LARP4B: variants seen among roughly 807,000 people sequenced by gnomAD.
LARP4B encodes the protein la-related protein 4B.
In LARP4B, 12 loss-of-function variants were observed where a neutral mutation model predicts 89.8. That is an observed-to-expected ratio of 0.13 (90% CI 0.09 to 0.22). The LOEUF is 0.22. Ranked by LOEUF, LARP4B falls within the 10% of genes least tolerant of loss-of-function variation. The pLI is 1.00. For synonymous variants in LARP4B, 367 were observed against 363.3 expected (o/e 1.01, Z -0.12); for missense variants, 757 against 947.7 (o/e 0.80, Z 2.64).
chr10:831,904 A>G (rs1832923943), intron 8 of LARP4B, among the ~76,000 whole-genome samples: 1 of 152,258 alleles, frequency 6.6e-6, no homozygotes, highest in South Asian at 2.1e-4. Context: ...CTATAATGCA[A>G]AAGATTAGAC....
At chr10:871,390 C>A (rs73584576) in intron 3 of LARP4B, among the ~76,000 whole-genome samples, 32,172 of 151,776 alleles carry the variant, frequency 0.21, 3,941 homozygotes, top group South Asian at 0.4. Flanking sequence ...TCCTCTGCAC[C>A]GTCCCCTGCG....
At chr10:976,919 C>G in the LARP4B span, among the ~76,000 whole-genome samples, 1 of 144,662 alleles carries the variant, frequency 6.9e-6, no homozygotes. Flanking sequence ...AGGCCTGTCA[C>G]GTAATGTGCA....
At position 814,419 on chromosome 10, in the gene LARP4B, ACACAC is replaced by A. The variant is rs1320118731; in HGVS notation, c.1929+318_1929+322del. On this transcript the variant is annotated intron_variant, in intron 17 of 17. Coordinates refer to ENST00000316157, the MANE Select transcript of LARP4B (RefSeq NM_015155.3). The surrounding 1 kb of genome is among the most constrained non-coding windows in gnomAD (Gnocchi z 4.4). ...TGCGCGCGCACGCACGCAAACATAC[ACACAC>A]GCGCGAAATGCTGAAATGATCCTAA... The A allele has an allele frequency of 9.9e-6, 4 of 402,554 alleles. No individual in the cohort carries two copies. The highest frequency in any genetic ancestry group is 8.3e-5 in the African/African-American group (4 of 47,962). 24.9% of individuals were successfully genotyped at this position (402,554 alleles called of 1,614,324 possible).
the LARP4B span, among the ~76,000 whole-genome samples, chr10:940,359 G>A: frequency 6.6e-6 from 1 of 152,254 alleles, no homozygotes; most frequent in South Asian, 2.1e-4. Context: ...TCACCATGTT[G>A]GCCAGGCTGG....
intron 3 of LARP4B, among the ~76,000 whole-genome samples, chr10:875,834 A>G (rs983098137): frequency 4.6e-5 from 7 of 152,188 alleles, no homozygotes; most frequent in Non-Finnish European, 1.0e-4. Flanking sequence ...TGGGGGACAC[A>G]TGAAAAACAC....
intron 1 of LARP4B, among the ~76,000 whole-genome samples, chr10:900,842 C>T (rs1201439218): frequency 6.6e-6 from 1 of 151,428 alleles, no homozygotes; most frequent in Admixed American, 6.6e-5. Flanking sequence ...TGGTCTCGAA[C>T]TCCTGACCTC....
At chr10:938,544 C>T in the LARP4B span, among the ~76,000 whole-genome samples, 7 of 152,298 alleles carry the variant, frequency 4.6e-5, no homozygotes, top group South Asian at 2.1e-4. Flanking sequence ...TGAGCCACCG[C>T]GCCCGGCCGA....
Position 814,498 on chromosome 10 carries a change from T to G in LARP4B, c.1929+244A>C. 4.2e-6 allele frequency: 3 copies of G among 717,142 alleles called. No individual in the cohort carries two copies. Among genetic ancestry groups the G allele is most frequent in the Non-Finnish European group, 6.7e-6 (3 of 444,482 alleles). 44.4% of individuals were successfully genotyped at this position (717,142 alleles called of 1,614,324 possible). On this transcript the variant is annotated intron_variant, in intron 17 of 17. Coordinates refer to ENST00000316157, the MANE Select transcript of LARP4B (RefSeq NM_015155.3). The surrounding 1 kb of genome is among the most constrained non-coding windows in gnomAD (Gnocchi z 4.4). ...GGGTCTTGTTACTACTCAAGAAACC[T>G]CTATTGACCAACACTGAAATAAAAG... is the stretch of plus-strand genomic sequence containing the variant.
At chr10:976,029 C>T in the LARP4B span, among the ~76,000 whole-genome samples, 2 of 110,348 alleles carry the variant, frequency 1.8e-5, no homozygotes, top group African/African-American at 3.2e-5. Flanking sequence ...GTAGGCCTGT[C>T]GTGCAACGTG....
intron 3 of LARP4B, among the ~76,000 whole-genome samples, chr10:873,680 G>A (rs1186767236): frequency 6.6e-6 from 1 of 151,986 alleles, no homozygotes; most frequent in Non-Finnish European, 1.5e-5. Flanking sequence ...AATTTAAAAA[G>A]AGACGAAAAA....
the LARP4B span, among the ~76,000 whole-genome samples, chr10:958,397 C>T: frequency 6.6e-6 from 1 of 152,226 alleles, no homozygotes; most frequent in Admixed American, 6.5e-5. Flanking sequence ...CGCACCACTA[C>T]CTCTCCTGAT....
downstream of LARP4B, chr10:808,869 T>C (rs983586941): frequency 7.2e-5 from 11 of 152,088 alleles, no homozygotes; most frequent in African/African-American, 2.2e-4. Context: ...TGATAGATTT[T>C]ACTACACAAT....
At chr10:857,951 G>C (rs913149502) in intron 5 of LARP4B, among the ~76,000 whole-genome samples, 2 of 152,112 alleles carry the variant, frequency 1.3e-5, no homozygotes, top group Admixed American at 1.3e-4. Flanking sequence ...AGAGCAAAAA[G>C]GGTGCTTGGC....
chr10:844,474 C>T lies in LARP4B; in HGVS notation c.509+503G>A, dbSNP rs566994951. 1.5e-4 allele frequency among the ~76,000 whole-genome samples: 23 copies of T among 152,292 alleles called. 1 individual carries two copies. In the South Asian group the frequency reaches 4.6e-3, roughly 30 times the overall value. On this transcript the variant is annotated intron_variant, in intron 6 of 17. Transcript: ENST00000316157. ...CATCATCGACAGAAAACCTTATACA[C>T]GGCCCATCGGTTGTTGTCATACTCA...
intron 1 of LARP4B, among the ~76,000 whole-genome samples, chr10:926,450 G>A (rs188771484): frequency 1.3e-5 from 2 of 152,280 alleles, no homozygotes; most frequent in Admixed American, 1.3e-4. Context: ...GGAGAGGGAG[G>A]CGTGGTCCTG....
At chr10:952,339 C>CAAA in the LARP4B span, among the ~76,000 whole-genome samples, 108 of 16,936 alleles carry the variant, frequency 6.4e-3, 12 homozygotes, top group Admixed American at 0.012. Context: ...GACTCCATCT[C>CAAA]AAAAAAAAAA....
intron 1 of LARP4B, among the ~76,000 whole-genome samples, chr10:905,577 T>G (rs1836466177): frequency 6.6e-6 from 1 of 152,180 alleles, no homozygotes; most frequent in Non-Finnish European, 1.5e-5. Flanking sequence ...TGCAATTATG[T>G]TTTTTTCCAT....
upstream of LARP4B, among the ~76,000 whole-genome samples, chr10:936,366 A>G (rs1830747932): frequency 6.6e-6 from 1 of 152,160 alleles, no homozygotes; most frequent in Non-Finnish European, 1.5e-5. Context: ...AGCCGGGGCC[A>G]GAGACAAACC....
At chr10:866,761 AACCTTCTCTATTATTAGT>A (rs1170503838) in intron 3 of LARP4B, among the ~76,000 whole-genome samples, 1 of 152,208 alleles carries the variant, frequency 6.6e-6, no homozygotes, top group East Asian at 1.9e-4. Context: ...AACTAACAGT[AACCTTCTCTATTATTAGT>A]ACCTTTTGCA....
Sources: gnomAD v4.1 joint callset for allele counts (sites outside exome capture counted in the v4.1 genomes callset) on GRCh38, gnomAD v4.1.1 for gene constraint, Gnocchi (gnomAD v3.1) non-coding constraint, MANE v1.5 for transcripts, NCBI Gene and HGNC (gene_info 2026-07-23, HGNC 2026-07-21) for gene names.